The following SNX3 variants were observed in gnomAD, a reference collection of about 807,000 sequenced individuals.
SNX3 encodes the protein sorting nexin-3.
In SNX3, 5 loss-of-function variants were observed where a neutral mutation model predicts 17.7. The observed-to-expected ratio is 0.28, with a 90% CI of 0.15 to 0.59. The LOEUF is 0.59. Among genes scored for constraint, SNX3 ranks in the 20% least tolerant of loss-of-function variants. The probability of loss-of-function intolerance (pLI) is 0.88; values close to 1 mark genes in which losing one functional copy is unlikely to be tolerated. For missense variants in SNX3, 132 were observed against 206.8 expected (o/e 0.64, Z 2.22); for synonymous variants, 91 against 76.5 (o/e 1.19, Z -0.99).
intron 2 of SNX3, among the ~76,000 whole-genome samples, chr6:108,217,775 C>A (rs1344414158): frequency 1.3e-5 from 2 of 150,626 alleles, no homozygotes; most frequent in Admixed American, 6.6e-5. Context: ...AATTCTAATA[C>A]TAATTAAAAA....
intron 1 of SNX3, among the ~76,000 whole-genome samples, chr6:108,249,407 C>T (rs571546588): frequency 2.6e-4 from 40 of 152,018 alleles, no homozygotes; most frequent in Non-Finnish European, 5.1e-4. Context: ...GGCAACAGAG[C>T]GAGACTCTGT....
At chr6:108,221,533 T>C (rs893299951) in intron 2 of SNX3, among the ~76,000 whole-genome samples, 2 of 30,976 alleles carry the variant, frequency 6.5e-5, no homozygotes, top group East Asian at 1.9e-3. Context: ...AGTATTACAC[T>C]TTTTTTTTTT....
At chr6:108,257,889 G>C (rs984325927) in intron 1 of SNX3, among the ~76,000 whole-genome samples, 1 of 151,984 alleles carries the variant, frequency 6.6e-6, no homozygotes, top group African/African-American at 2.4e-5. Context: ...GCTTGAACTC[G>C]GAAGGCAGAG....
At chr6:108,243,877 G>C (rs1344343668) in intron 1 of SNX3, among the ~76,000 whole-genome samples, 1 of 152,192 alleles carries the variant, frequency 6.6e-6, no homozygotes, top group Non-Finnish European at 1.5e-5. Context: ...AGGTTGCAGT[G>C]AGCCAAGATC....
chr6:108,246,977 T>A (rs897015180), intron 1 of SNX3, among the ~76,000 whole-genome samples: 1 of 152,118 alleles, frequency 6.6e-6, no homozygotes, highest in East Asian at 1.9e-4. Flanking sequence ...TGTGATATGG[T>A]TTGGCTGTAT....
rs111767759 is a variant in SNX3, at chr6:108,241,005, A to G, written c.163-17960T>C. 2.1e-3 allele frequency among the ~76,000 whole-genome samples: 321 copies of G among 151,894 alleles called. 4 individuals are homozygous for G. The highest frequency in any genetic ancestry group is 7.1e-3 in the African/African-American group (296 of 41,408). ...AAAATACAAAAAATTAGCTGGGCAT[A>G]GGGGTACATGCCTGTAATCCCAGCT... On this transcript the variant is annotated intron_variant, in intron 1 of 3. Coordinates refer to ENST00000230085, the MANE Select transcript of SNX3 (RefSeq NM_003795.6).
At chr6:108,234,920 G>A (rs1469350465) in intron 1 of SNX3, among the ~76,000 whole-genome samples, 2 of 152,164 alleles carry the variant, frequency 1.3e-5, no homozygotes, top group Non-Finnish European at 2.9e-5. Flanking sequence ...CAGATCCAGG[G>A]AGTTTAAATA....
intron 1 of SNX3, among the ~76,000 whole-genome samples, chr6:108,228,802 C>T (rs186167065): frequency 4.3e-4 from 66 of 152,104 alleles, no homozygotes; most frequent in Admixed American, 1.5e-3. Context: ...ACAAATATTT[C>T]CACACATACA....
At chr6:108,239,323 CTCTAA>C (rs1329287829) in intron 1 of SNX3, among the ~76,000 whole-genome samples, 3 of 152,078 alleles carry the variant, frequency 2.0e-5, no homozygotes, top group South Asian at 2.1e-4. Flanking sequence ...TACTTTCCTT[CTCTAA>C]TCTGAGTTTT....
At chr6:108,228,272 G>A (rs1483103001) in intron 1 of SNX3, among the ~76,000 whole-genome samples, 1 of 152,148 alleles carries the variant, frequency 6.6e-6, no homozygotes, top group Non-Finnish European at 1.5e-5. Context: ...GGGCAGGCTG[G>A]GCGTGGTGGC....
intron 2 of SNX3, 138 bp downstream of exon 2, chr6:108,222,812 A>C: frequency 1.5e-6 from 1 of 672,022 alleles, no homozygotes; most frequent in South Asian, 1.7e-5. Flanking sequence ...CTACCTCTAT[A>C]AAATGACACT....
chr6:108,219,065 A>G (rs1774672892), intron 2 of SNX3, among the ~76,000 whole-genome samples: 1 of 152,246 alleles, frequency 6.6e-6, no homozygotes, highest in African/African-American at 2.4e-5. Context: ...ACTAAAAACA[A>G]AAGCGGTCGG....
Position 108,231,132 on chromosome 6 carries a change from G to C in SNX3, c.163-8087C>G, listed in dbSNP as rs143068615. ...GTGTTTTTTTTTTTTTTGAGACACA[G>C]TCTCCCTTGTCACTCAGGCTGGAGT... On this transcript the variant is annotated intron_variant, in intron 1 of 3. Coordinates refer to ENST00000230085, the MANE Select transcript of SNX3 (RefSeq NM_003795.6). Among the ~76,000 whole-genome samples, 830 of 150,776 alleles carry C rather than the reference G, an allele frequency of 5.5e-3. 8 individuals are homozygous for C. The highest frequency in any genetic ancestry group is 0.02 in the African/African-American group (801 of 41,014).
At chr6:108,241,278 C>A (rs1775515787) in intron 1 of SNX3, among the ~76,000 whole-genome samples, 1 of 151,446 alleles carries the variant, frequency 6.6e-6, no homozygotes, top group African/African-American at 2.4e-5. Context: ...GAGCCATGGA[C>A]ATGAGAAGAC....
intron 1 of SNX3, among the ~76,000 whole-genome samples, chr6:108,223,624 A>C (rs1382926847): frequency 6.7e-6 from 1 of 149,242 alleles, no homozygotes. Flanking sequence ...CAGCCTCCCA[A>C]GTAGCTGGGA....
At chr6:108,248,182 G>A (rs1327120592) in intron 1 of SNX3, among the ~76,000 whole-genome samples, 1 of 152,034 alleles carries the variant, frequency 6.6e-6, no homozygotes, top group Non-Finnish European at 1.5e-5. Flanking sequence ...TGGCCCCTCA[G>A]GGCAGACCTG....
intron 1 of SNX3, among the ~76,000 whole-genome samples, chr6:108,225,658 C>T (rs1210861114): frequency 6.6e-6 from 1 of 151,718 alleles, no homozygotes; most frequent in Non-Finnish European, 1.5e-5. Context: ...AAAAAAGATG[C>T]TACCAAATCC....
chr6:108,231,394 T>C (rs1375324432), intron 1 of SNX3, among the ~76,000 whole-genome samples: 1 of 152,216 alleles, frequency 6.6e-6, no homozygotes, highest in Non-Finnish European at 1.5e-5. Flanking sequence ...CCTCTGGTTG[T>C]TTCTTTAGTC....
At chr6:108,215,104 C>T (rs1774525896) in intron 2 of SNX3, among the ~76,000 whole-genome samples, 1 of 151,604 alleles carries the variant, frequency 6.6e-6, no homozygotes, top group Non-Finnish European at 1.5e-5. Flanking sequence ...AATCCCAGCA[C>T]TTTGGGAGGC....
Sources: allele counts gnomAD v4.1 joint callset (sites outside exome capture counted in the v4.1 genomes callset), GRCh38; gene constraint gnomAD v4.1.1; transcripts MANE v1.5; gene names NCBI Gene and HGNC (gene_info 2026-07-23, HGNC 2026-07-21).